Variants in TMEM132D observed in about 807,000 individuals in gnomAD.
TMEM132D encodes transmembrane protein 132D.
A neutral mutation model predicts 62.3 loss-of-function variants in TMEM132D; 21 were observed. The ratio of observed to expected loss-of-function variants is 0.34; its 90% CI spans 0.24 to 0.49. TMEM132D has a LOEUF of 0.49. Ranked by LOEUF, TMEM132D falls within the 20% of genes least tolerant of loss-of-function variation. The probability of loss-of-function intolerance (pLI) is 0.99; values close to 1 mark genes in which losing one functional copy is unlikely to be tolerated. For missense variants in TMEM132D, 1,346 were observed against 1,402.8 expected (o/e 0.96, Z 0.65); for synonymous variants, 621 against 575.6 (o/e 1.08, Z -1.13).
At chr12:129,895,955 CTGT>C (rs1875101384) in intron 1 of TMEM132D, among the ~76,000 whole-genome samples, 1 of 42,164 alleles carries the variant, frequency 2.4e-5, no homozygotes, top group Non-Finnish European at 8.5e-5. Flanking sequence ...TTTGATTTCT[CTGT>C]CTCTCTTTTT....
chr12:129,417,621 C>A (rs1022054570), intron 3 of TMEM132D, among the ~76,000 whole-genome samples: 7 of 152,078 alleles, frequency 4.6e-5, no homozygotes, highest in Non-Finnish European at 1.0e-4. Flanking sequence ...TAGGCAATAC[C>A]ATTCAGGACA....
chr12:129,293,733 G>A (rs1345923696), intron 4 of TMEM132D, among the ~76,000 whole-genome samples: 1 of 152,156 alleles, frequency 6.6e-6, no homozygotes, highest in Non-Finnish European at 1.5e-5. Context: ...GTGCTTCCAT[G>A]AGAATCTAAT....
chr12:129,795,647 G>A (rs1004492327), intron 1 of TMEM132D, among the ~76,000 whole-genome samples: 59 of 152,280 alleles, frequency 3.9e-4, no homozygotes, highest in African/African-American at 1.3e-3. Context: ...TGGGGAAAGT[G>A]TCAGTCTACT....
At chr12:129,584,640 A>G (rs115754621) in intron 2 of TMEM132D, among the ~76,000 whole-genome samples, 343 of 152,302 alleles carry the variant, frequency 2.3e-3, no homozygotes, top group African/African-American at 7.9e-3. Flanking sequence ...TAGCTGGCCC[A>G]TTGCTCTAAA....
intron 1 of TMEM132D, among the ~76,000 whole-genome samples, chr12:129,769,545 A>G (rs1870664837): frequency 6.6e-6 from 1 of 152,150 alleles, no homozygotes; most frequent in Admixed American, 6.5e-5. Context: ...TCAGTCCCTG[A>G]CATGTCAGAA....
chr12:129,505,964 T>C (rs1875317115), intron 3 of TMEM132D, among the ~76,000 whole-genome samples: 1 of 152,218 alleles, frequency 6.6e-6, no homozygotes, highest in Non-Finnish European at 1.5e-5. Context: ...GGTTGGTGAA[T>C]TCTTATCCAC....
At chr12:129,487,051 G>A (rs1874605785) in intron 3 of TMEM132D, among the ~76,000 whole-genome samples, 1 of 151,830 alleles carries the variant, frequency 6.6e-6, no homozygotes, top group Non-Finnish European at 1.5e-5. Flanking sequence ...GGTTGTGGGT[G>A]TAGCTGTGTG....
chr12:129,812,092 T>C (rs1480181075), intron 1 of TMEM132D, among the ~76,000 whole-genome samples: 2 of 151,810 alleles, frequency 1.3e-5, no homozygotes, highest in Non-Finnish European at 2.9e-5. Flanking sequence ...TACACAACAA[T>C]AGAAAACTAA....
intron 3 of TMEM132D, among the ~76,000 whole-genome samples, chr12:129,343,971 G>A (rs1349685105): frequency 6.6e-6 from 1 of 152,048 alleles, no homozygotes; most frequent in Non-Finnish European, 1.5e-5. Flanking sequence ...ATTGATTCTT[G>A]CAAAACATAG....
At chr12:129,535,471 G>T (rs1440046068) in intron 2 of TMEM132D, among the ~76,000 whole-genome samples, 1 of 152,226 alleles carries the variant, frequency 6.6e-6, no homozygotes, top group Non-Finnish European at 1.5e-5. Context: ...GGATGTGTCA[G>T]CCTCCTAAAG....
At chr12:129,375,891 C>A (rs932279766) in intron 3 of TMEM132D, among the ~76,000 whole-genome samples, 7 of 152,164 alleles carry the variant, frequency 4.6e-5, no homozygotes, top group African/African-American at 7.2e-5. Flanking sequence ...CATGTTTGAG[C>A]CCCAGCCCCA....
chr12:129,234,978 T>G (rs1458726659), intron 4 of TMEM132D, among the ~76,000 whole-genome samples: 1 of 151,246 alleles, frequency 6.6e-6, no homozygotes, highest in East Asian at 1.9e-4. Flanking sequence ...AAGCCATATT[T>G]GAGACACTTC....
intron 1 of TMEM132D, among the ~76,000 whole-genome samples, chr12:129,764,218 T>C (rs1345705416): frequency 6.6e-6 from 1 of 152,202 alleles, no homozygotes; most frequent in Admixed American, 6.5e-5. Flanking sequence ...AATTTTTCTT[T>C]CTCTTGCCTC....
chr12:129,422,551 A>G (rs1872357793), intron 3 of TMEM132D, among the ~76,000 whole-genome samples: 1 of 152,222 alleles, frequency 6.6e-6, no homozygotes, highest in Non-Finnish European at 1.5e-5. Flanking sequence ...TAGGTCTGAA[A>G]AGGTTGCAAA....
chr12:129,384,849 A>C (rs1871059946), intron 3 of TMEM132D, among the ~76,000 whole-genome samples: 1 of 152,156 alleles, frequency 6.6e-6, no homozygotes. Context: ...AATCCTAGTT[A>C]AGAATTTGTA....
chr12:129,233,378 C>A (rs956499920), intron 4 of TMEM132D, among the ~76,000 whole-genome samples: 1 of 152,102 alleles, frequency 6.6e-6, no homozygotes, highest in African/African-American at 2.4e-5. Flanking sequence ...TATATTCAAG[C>A]CCCTCAAATG....
chr12:129,417,924 A>T (rs985001381), intron 3 of TMEM132D, among the ~76,000 whole-genome samples: 1 of 152,266 alleles, frequency 6.6e-6, no homozygotes, highest in Non-Finnish European at 1.5e-5. Context: ...GAAGACGTTT[A>T]TGTGGCCAAG....
intron 1 of TMEM132D, among the ~76,000 whole-genome samples, chr12:129,723,088 A>T (rs1047413079): frequency 6.6e-6 from 1 of 152,124 alleles, no homozygotes; most frequent in Non-Finnish European, 1.5e-5. Context: ...AAGTGAGATG[A>T]ATTTAAGTGG....
intron 1 of TMEM132D, among the ~76,000 whole-genome samples, chr12:129,701,633 C>T (rs1265447475): frequency 1.3e-5 from 2 of 152,182 alleles, no homozygotes; most frequent in Non-Finnish European, 2.9e-5. Context: ...ATGTTATTTT[C>T]ACAAGTTGCC....
Sources: gnomAD v4.1 joint callset for allele counts (sites outside exome capture counted in the v4.1 genomes callset) on GRCh38, gnomAD v4.1.1 for gene constraint, MANE v1.5 for transcripts, NCBI Gene and HGNC (gene_info 2026-07-23, HGNC 2026-07-21) for gene names.